Variants in BBS9 observed in about 807,000 individuals in gnomAD.
The protein encoded by BBS9 is Bardet-Biedl syndrome 9, also known as protein PTHB1.
In BBS9, 89 loss-of-function variants were observed where a neutral mutation model predicts 117.7. That is an observed-to-expected ratio of 0.76 (90% CI 0.64 to 0.90). BBS9 has a LOEUF of 0.90. Among genes scored for constraint, BBS9 ranks in the 40% least tolerant of loss-of-function variants. BBS9 has a pLI of 0.00. For missense variants in BBS9, 982 were observed against 1,042.2 expected, an observed-to-expected ratio of 0.94 and a Z score of 0.80; for synonymous variants, 379 against 370.9, an observed-to-expected ratio of 1.02 and a Z score of -0.25.
At chr7:33,526,926 G>C (rs968786742) in intron 20 of BBS9, among the ~76,000 whole-genome samples, 2 of 148,606 alleles carry the variant, frequency 1.3e-5, no homozygotes, top group Admixed American at 6.8e-5. Flanking sequence ...ATGGGTTTTT[G>C]GTGTGGATGT....
chr7:33,440,606 A>G (rs926804831), intron 19 of BBS9, among the ~76,000 whole-genome samples: 6 of 152,224 alleles, frequency 3.9e-5, no homozygotes, highest in Non-Finnish European at 7.3e-5. Flanking sequence ...TTTGAGGTCA[A>G]GAAAGGGAAG....
At chr7:33,441,589 A>C (rs1156726694) in intron 19 of BBS9, among the ~76,000 whole-genome samples, 16 of 152,198 alleles carry the variant, frequency 1.1e-4, no homozygotes, top group Admixed American at 1.0e-3. Flanking sequence ...CATTCTGGTT[A>C]ATAACACATG....
intron 9 of BBS9, among the ~76,000 whole-genome samples, chr7:33,289,718 G>T (rs1241822608): frequency 2.0e-5 from 3 of 151,952 alleles, no homozygotes; most frequent in Non-Finnish European, 2.9e-5. Context: ...TTGTAAATGG[G>T]TAGTTACAAT....
intron 19 of BBS9, among the ~76,000 whole-genome samples, chr7:33,459,842 G>C (rs949992104): frequency 6.6e-6 from 1 of 152,010 alleles, no homozygotes; most frequent in Non-Finnish European, 1.5e-5. Flanking sequence ...TTAAAACTTG[G>C]TCTTTACCAT....
chr7:33,244,595 A>T (rs1026008424), intron 5 of BBS9, among the ~76,000 whole-genome samples: 3 of 152,196 alleles, frequency 2.0e-5, no homozygotes, highest in African/African-American at 7.2e-5. Flanking sequence ...TAAGATTGCC[A>T]TACATTCCTA....
At chr7:33,311,754 T>G (rs1295665000) in intron 9 of BBS9, among the ~76,000 whole-genome samples, 1 of 151,760 alleles carries the variant, frequency 6.6e-6, no homozygotes, top group East Asian at 1.9e-4. Flanking sequence ...GAGGCGGAGG[T>G]TGCAGTGAGC....
Position 33,336,598 on chromosome 7 carries a change from A to G in BBS9, c.1174A>G (p.Ile392Val). The G allele has an allele frequency of 1.2e-6, 2 of 1,611,372 alleles. No individual in the cohort carries two copies. Among genetic ancestry groups the G allele is most frequent in the Non-Finnish European group, 1.7e-6 (2 of 1,178,212 alleles). The change falls in exon 10 of 23, where the codon ATC (isoleucine) becomes GTC (valine). Residue 392 changes from isoleucine to valine, a missense_variant. Transcript: ENST00000242067. ...AGAAATGAAAGAACTTCAGAAAATC[A>G]TCAAAGATGTTAACAAATCACAAGG... ...DVEMKELQKI[I>V]KDVNKSQGVW...
At chr7:33,558,279 G>A (rs552958359) in intron 21 of BBS9, among the ~76,000 whole-genome samples, 4 of 152,144 alleles carry the variant, frequency 2.6e-5, no homozygotes, top group Non-Finnish European at 5.9e-5. Context: ...TTAGATGAAG[G>A]CAGTAAGCAG....
At chr7:33,176,661 G>A (rs1266689783) in intron 4 of BBS9, among the ~76,000 whole-genome samples, 1 of 152,054 alleles carries the variant, frequency 6.6e-6, no homozygotes, top group Non-Finnish European at 1.5e-5. Flanking sequence ...TTTAGTGATT[G>A]AGTACTACCC....
chr7:33,626,718 A>C (rs1483587760), intron 21 of BBS9, among the ~76,000 whole-genome samples: 1 of 152,174 alleles, frequency 6.6e-6, no homozygotes, highest in Non-Finnish European at 1.5e-5. Flanking sequence ...GGCCCTAGAA[A>C]TCTGTGGAAC....
chr7:33,393,732 C>T (rs1488309005), intron 19 of BBS9, among the ~76,000 whole-genome samples: 5 of 152,090 alleles, frequency 3.3e-5, no homozygotes, highest in South Asian at 2.1e-4. Context: ...ATTGGTTAAT[C>T]GGCAATGAGG....
At chr7:33,162,149 C>G (rs1464810450) in intron 4 of BBS9, among the ~76,000 whole-genome samples, 3 of 152,094 alleles carry the variant, frequency 2.0e-5, no homozygotes, top group African/African-American at 7.2e-5. Context: ...ATGATATTGC[C>G]TAGGTTTTCT....
chr7:33,507,226 T>TTTTG lies in BBS9; in HGVS notation c.2298+1601_2298+1604dup, dbSNP rs568791462. ...CACTAAAGTTATGCAAGATCAGTTTTTTTGTTTGTTTGTTTGTTTGTTTTT... is the reference window on the plus strand; with the variant it reads ...CACTAAAGTTATGCAAGATCAGTTTTTTTGTTTGTTTGTTTGTTTGTTTGTTTTT... On this transcript the variant is annotated intron_variant, in intron 20 of 22. Transcript: ENST00000242067. Among the ~76,000 whole-genome samples the TTTTG allele has an allele frequency of 1.2e-4, 18 of 152,242 alleles. No individual in the cohort carries two copies. In the South Asian group the frequency reaches 1.5e-3, roughly 12 times the overall value.
At chr7:33,285,462 T>G (rs1450950673) in intron 9 of BBS9, among the ~76,000 whole-genome samples, 1 of 152,182 alleles carries the variant, frequency 6.6e-6, no homozygotes, top group Non-Finnish European at 1.5e-5. Flanking sequence ...GGTACCTCAG[T>G]AAACATAATT....
chr7:33,534,908 T>C (rs573054701), intron 21 of BBS9, among the ~76,000 whole-genome samples: 1 of 152,176 alleles, frequency 6.6e-6, no homozygotes, highest in African/African-American at 2.4e-5. Flanking sequence ...AGCTATAGCA[T>C]CTCTTTCCTC....
At chr7:33,399,634 A>G (rs1308540467) in intron 19 of BBS9, among the ~76,000 whole-genome samples, 3 of 152,176 alleles carry the variant, frequency 2.0e-5, no homozygotes, top group Non-Finnish European at 4.4e-5. Context: ...GGGACTTAGA[A>G]TCTTAAATTT....
intron 19 of BBS9, among the ~76,000 whole-genome samples, chr7:33,478,875 G>GTTT (rs10716942): frequency 1.7e-3 from 222 of 130,158 alleles, no homozygotes; most frequent in African/African-American, 5.8e-3. Flanking sequence ...ATGTTAGTGG[G>GTTT]TTTTTTTTTT....
intron 21 of BBS9, among the ~76,000 whole-genome samples, chr7:33,590,057 G>A (rs1861585054): frequency 6.6e-6 from 1 of 152,070 alleles, no homozygotes; most frequent in African/African-American, 2.4e-5. Context: ...AAAGTTTCAA[G>A]GAAGACTGAA....
At chr7:33,553,509 A>G (rs1854791600) in intron 21 of BBS9, among the ~76,000 whole-genome samples, 1 of 152,104 alleles carries the variant, frequency 6.6e-6, no homozygotes, top group African/African-American at 2.4e-5. Flanking sequence ...CCTCTGTTCC[A>G]GTAATGCCCT....
Sources: gnomAD v4.1 joint callset for allele counts (sites outside exome capture counted in the v4.1 genomes callset) on GRCh38, gnomAD v4.1.1 for gene constraint, MANE v1.5 for transcripts, NCBI Gene and HGNC (gene_info 2026-07-23, HGNC 2026-07-21) for gene names.